KCNH7: variants seen among roughly 807,000 people sequenced by gnomAD.
The protein encoded by KCNH7 is voltage-gated inwardly rectifying potassium channel KCNH7.
In KCNH7, 49 loss-of-function variants were observed where a neutral mutation model predicts 120.8. That is an observed-to-expected ratio of 0.41 (90% CI 0.32 to 0.51). The LOEUF is 0.51. KCNH7 is among the 20% of genes least tolerant of loss of function. The pLI is 0.38. For synonymous variants in KCNH7, 547 were observed against 516.1 expected, an observed-to-expected ratio of 1.06 and a Z score of -0.81; for missense variants, 1,097 against 1,446.6, an observed-to-expected ratio of 0.76 and a Z score of 3.92.
rs1688408278 is a variant in KCNH7 at position 162,441,310 on chromosome 2, T to C, written c.1554+4708A>G. ...AGATCAAGTTCAGCTGTCGAAATGCTCAGAGTTTGCATATAGATACCTGCT... is the reference window on the plus strand; with the variant it reads ...AGATCAAGTTCAGCTGTCGAAATGCCCAGAGTTTGCATATAGATACCTGCT... On this transcript the variant is annotated intron_variant, in intron 7 of 15. Coordinates refer to ENST00000332142, the MANE Select transcript of KCNH7 (RefSeq NM_033272.4). Among the ~76,000 whole-genome samples, 3 of 152,182 alleles carry C rather than the reference T, an allele frequency of 2.0e-5. No individual in the cohort carries two copies. The South Asian group carries it at 6.2e-4, about 31-fold the overall frequency.
intron 2 of KCNH7, among the ~76,000 whole-genome samples, chr2:162,680,971 A>G (rs1372593863): frequency 4.6e-5 from 7 of 151,766 alleles, no homozygotes; most frequent in Non-Finnish European, 7.4e-5. Flanking sequence ...TGTTTTGTAT[A>G]TATAAAATCC....
intron 2 of KCNH7, among the ~76,000 whole-genome samples, chr2:162,589,815 G>C (rs1219557482): frequency 1.3e-5 from 2 of 152,074 alleles, no homozygotes; most frequent in African/African-American, 4.8e-5. Context: ...AAAGTGACAA[G>C]TAATGATGAT....
intron 2 of KCNH7, among the ~76,000 whole-genome samples, chr2:162,699,595 C>T (rs1686417776): frequency 6.6e-6 from 1 of 152,100 alleles, no homozygotes; most frequent in Non-Finnish European, 1.5e-5. Context: ...TCATATTGAG[C>T]TTCTTGTCAA....
At chr2:162,618,762 G>A (rs964168037) in intron 2 of KCNH7, among the ~76,000 whole-genome samples, 4 of 151,988 alleles carry the variant, frequency 2.6e-5, no homozygotes, top group Admixed American at 1.3e-4. Context: ...TCTGATTTTC[G>A]ATATACACTA....
chr2:162,459,056 G>T (rs1573983648), intron 6 of KCNH7, among the ~76,000 whole-genome samples: 1 of 96,690 alleles, frequency 1.0e-5, no homozygotes, highest in Non-Finnish European at 2.4e-5. Context: ...TATAAAGGAG[G>T]TCTGGGATAG....
intron 2 of KCNH7, among the ~76,000 whole-genome samples, chr2:162,795,236 T>A (rs2105527950): frequency 6.6e-6 from 1 of 152,198 alleles, no homozygotes; most frequent in Middle Eastern, 3.4e-3. Flanking sequence ...TTTTTATCAT[T>A]ACCAAATTCA....
At chr2:162,484,334 G>C (rs749242837) in intron 6 of KCNH7, among the ~76,000 whole-genome samples, 2 of 152,014 alleles carry the variant, frequency 1.3e-5, no homozygotes, top group Non-Finnish European at 2.9e-5. Context: ...CTGGGGAAGT[G>C]TACAGGTCTC....
chr2:162,521,168 T>C (rs1049344379), intron 3 of KCNH7, among the ~76,000 whole-genome samples: 3 of 151,888 alleles, frequency 2.0e-5, no homozygotes, highest in Non-Finnish European at 2.9e-5. Context: ...GACTGGCCCA[T>C]AGGCCTCAGA....
At chr2:162,603,878 T>C (rs1029139912) in intron 2 of KCNH7, among the ~76,000 whole-genome samples, 1 of 151,596 alleles carries the variant, frequency 6.6e-6, no homozygotes, top group Admixed American at 6.6e-5. Context: ...TAAAAACATA[T>C]AAAATATTTG....
intron 2 of KCNH7, among the ~76,000 whole-genome samples, chr2:162,714,724 T>A (rs1033354894): frequency 6.6e-6 from 1 of 152,226 alleles, no homozygotes; most frequent in Non-Finnish European, 1.5e-5. Flanking sequence ...CTAGACAATA[T>A]GTAAACTGAG....
At chr2:162,508,599 GA>G (rs1456021014) in intron 5 of KCNH7, among the ~76,000 whole-genome samples, 4 of 151,214 alleles carry the variant, frequency 2.6e-5, no homozygotes, top group Non-Finnish European at 5.9e-5. Context: ...AAATGCAAAT[GA>G]AAAAAATTTC....
chr2:162,634,806 TATAA>T (rs1233873028), intron 2 of KCNH7, among the ~76,000 whole-genome samples: 1 of 152,032 alleles, frequency 6.6e-6, no homozygotes, highest in African/African-American at 2.4e-5. Flanking sequence ...TAACTTGAAA[TATAA>T]GACTATTTTT....
chr2:162,412,529 T>C (rs1687419651), intron 9 of KCNH7, among the ~76,000 whole-genome samples: 1 of 152,086 alleles, frequency 6.6e-6, no homozygotes, highest in South Asian at 2.1e-4. Context: ...TCCCAAGAAA[T>C]AACAGAGAAG....
At chr2:162,547,458 C>T (rs967860128) in intron 2 of KCNH7, among the ~76,000 whole-genome samples, 3 of 152,244 alleles carry the variant, frequency 2.0e-5, no homozygotes, top group Admixed American at 2.0e-4. Flanking sequence ...TGCTCCCATG[C>T]CCAGTACATC....
intron 2 of KCNH7, among the ~76,000 whole-genome samples, chr2:162,752,935 A>G (rs915600503): frequency 5.1e-4 from 47 of 92,390 alleles, no homozygotes; most frequent in East Asian, 4.9e-3. Flanking sequence ...AAAGAAAAGA[A>G]AAGAAAAGAA....
intron 2 of KCNH7, among the ~76,000 whole-genome samples, chr2:162,580,492 T>C (rs1465012748): frequency 1.3e-5 from 2 of 152,060 alleles, no homozygotes; most frequent in Admixed American, 1.3e-4. Context: ...AATTACCCTA[T>C]TCCACTCAAT....
intron 2 of KCNH7, among the ~76,000 whole-genome samples, chr2:162,572,041 C>G (rs1685031428): frequency 6.6e-6 from 1 of 151,748 alleles, no homozygotes; most frequent in Non-Finnish European, 1.5e-5. Context: ...ACAAAATTGA[C>G]AAATGGGATC....
chr2:162,786,325 CT>C (rs1211460119), intron 2 of KCNH7, among the ~76,000 whole-genome samples: 1 of 150,890 alleles, frequency 6.6e-6, no homozygotes, highest in African/African-American at 2.4e-5. Context: ...GTTTCATGAG[CT>C]TGACCTATGT....
At position 162,656,366 on chromosome 2, in the gene KCNH7, A is replaced by G. The variant is rs553591829; in HGVS notation, c.308-119286T>C. Among the ~76,000 whole-genome samples, 9 of 152,330 alleles carry G rather than the reference A, an allele frequency of 5.9e-5. No homozygotes were observed. The South Asian group carries it at 1.9e-3, about 32-fold the overall frequency. ...ATGTATATATACACACATGCACAAC[A>G]TAATACATGAGGAGTAAGGGTATAG... is the stretch of plus-strand genomic sequence containing the variant. On this transcript the variant is annotated intron_variant, in intron 2 of 15. Transcript: ENST00000332142.
Sources: gnomAD v4.1 joint callset for allele counts (sites outside exome capture counted in the v4.1 genomes callset) on GRCh38, gnomAD v4.1.1 for gene constraint, MANE v1.5 for transcripts, NCBI Gene and HGNC (gene_info 2026-07-23, HGNC 2026-07-21) for gene names.